Variants in UGT2B17 observed in about 807,000 individuals in gnomAD.
The protein encoded by UGT2B17 is UDP-glucuronosyltransferase 2B17.
Under a neutral mutation model 48.2 loss-of-function variants are expected in UGT2B17, and 21 were observed. The observed-to-expected ratio is 0.44, with a 90% CI of 0.31 to 0.63. The LOEUF (loss-of-function observed/expected upper bound fraction) is 0.63. Ranked by LOEUF, UGT2B17 falls within the 20% of genes least tolerant of loss-of-function variation. The pLI, the probability that UGT2B17 is intolerant of heterozygous loss-of-function variation, is 0.08. For synonymous variants in UGT2B17, 146 were observed against 238.4 expected (o/e 0.61, Z 3.57); for missense variants, 402 against 696.1 (o/e 0.58, Z 4.75).
chr4:68,540,437 C>T (rs1396500064), intron 6 of UGT2B17, among the ~76,000 whole-genome samples: 1 of 126,088 alleles, frequency 7.9e-6, no homozygotes, highest in African/African-American at 2.7e-5. Context: ...GATTCTCCTG[C>T]CTCAAACTCC....
intron 6 of UGT2B17, among the ~76,000 whole-genome samples, chr4:68,548,156 C>G (rs1447117417): frequency 7.9e-6 from 1 of 126,542 alleles, no homozygotes; most frequent in African/African-American, 2.7e-5. Flanking sequence ...TTCACAATAG[C>G]AAAGACTTGG....
chr4:68,537,625 C>T lies in UGT2B17; in HGVS notation c.1593G>A (p.Ter531=). 7.3e-7 allele frequency: 1 copy of T among 1,364,644 alleles called. No homozygotes were observed. Among genetic ancestry groups the T allele is most frequent in the Non-Finnish European group, 9.6e-7 (1 of 1,046,444 alleles). The allele number at this position is 1,364,644 out of a possible 1,614,324, so 84.5% of individuals were successfully genotyped here. A position where few individuals can be genotyped will look rare whatever the true frequency, so the allele number is the denominator to read the frequency against. The change falls in exon 7 of 7, where the codon TAG becomes TAA. Residue 531 remains the stop codon, a stop_retained_variant. Transcript: ENST00000317746. The part of the protein sequence containing the change: ...AKTGKKKKRD[*] ...ATTCCACTTCAGGCTTTTGATATAACTAATCCCTTTTCTTCTTCTTTCCTG... is the reference window on the plus strand; with the variant it reads ...ATTCCACTTCAGGCTTTTGATATAATTAATCCCTTTTCTTCTTCTTTCCTG...
In UGT2B17 at chr4:68,542,124, G is replaced by A. The variant is rs575513724; in HGVS notation, c.1314-4220C>T. On this transcript the variant is annotated intron_variant, in intron 6 of 6. Transcript: ENST00000317746. ...TCCAAAACACCATTTATTAAATAGG[G>A]AATCCTTCCCCTAATTGCTTGTTTT... Among the ~76,000 whole-genome samples, 6 of 126,030 alleles carry A rather than the reference G, an allele frequency of 4.8e-5. 3 individuals are homozygous for A. The East Asian group carries it at 4.5e-3, about 95-fold the overall frequency. The allele number at this position is 126,030 out of a possible 152,430, so 82.7% of individuals were successfully genotyped here.
rs1461623674 is a variant in UGT2B17, at chr4:68,570,977, A to G, written c.-64-2429T>C. 3.7e-4 allele frequency among the ~76,000 whole-genome samples: 47 copies of G among 126,474 alleles called. 7 individuals carry two copies. The highest frequency in any genetic ancestry group is 1.2e-3 in the African/African-American group (44 of 36,848). 83.0% of individuals were successfully genotyped at this position (126,474 alleles called of 152,430 possible). On this transcript the variant is annotated intron_variant, in intron 1 of 6. Coordinates refer to ENST00000317746, the MANE Select transcript of UGT2B17 (RefSeq NM_001077.4). ...TTCACAAACTCCTCCTTCAGCTGCT[A>G]GCAAGTAGTCAAGAGCTAGTCTATT... is the stretch of plus-strand genomic sequence containing the variant.
chr4:68,556,112 A>T (rs1027976516), intron 4 of UGT2B17, among the ~76,000 whole-genome samples: 1 of 123,850 alleles, frequency 8.1e-6, no homozygotes, highest in Non-Finnish European at 1.7e-5. Flanking sequence ...GATTAAAAAA[A>T]CTTTTATATG....
Position 68,557,600 on chromosome 4 carries a change from C to T in UGT2B17, c.1005+2937G>A, listed in dbSNP as rs1206601500. Among the ~76,000 whole-genome samples, 4 of 125,658 alleles carry T rather than the reference C, an allele frequency of 3.2e-5. 1 individual carries two copies. Among genetic ancestry groups the T allele is most frequent in the Non-Finnish European group, 6.7e-5 (4 of 59,352 alleles). The allele number at this position is 125,658 out of a possible 152,430, so 82.4% of individuals were successfully genotyped here. On this transcript the variant is annotated intron_variant, in intron 4 of 6. Coordinates refer to ENST00000317746, the MANE Select transcript of UGT2B17 (RefSeq NM_001077.4). Reference sequence around the variant, plus strand: ...CAGCTTTTAACAATTTAGTATACTCCTATGAAAAAAATTTAGAACATATTT... The same window carrying T: ...CAGCTTTTAACAATTTAGTATACTCTTATGAAAAAAATTTAGAACATATTT...
At chr4:68,546,973 A>G (rs1454254005) in intron 6 of UGT2B17, among the ~76,000 whole-genome samples, 1 of 125,814 alleles carries the variant, frequency 7.9e-6, no homozygotes, top group African/African-American at 2.7e-5. Flanking sequence ...GGTAGGAAGA[A>G]TCAATATCGT....
rs570042187 is a variant in UGT2B17 at position 68,537,561 on chromosome 4, C to T, written c.*64G>A. Reference sequence around the variant, plus strand: ...AAAAGGAAATCCTCCATTTAAAACCCTCCATGCTGGAATAAAGGAGGAGTC... The same window carrying T: ...AAAAGGAAATCCTCCATTTAAAACCTTCCATGCTGGAATAAAGGAGGAGTC... On this transcript the variant is annotated 3_prime_UTR_variant, in exon 7 of 7. Coordinates refer to ENST00000317746, the MANE Select transcript of UGT2B17 (RefSeq NM_001077.4). The T allele has an allele frequency of 1.7e-4, 209 of 1,236,660 alleles. 67 individuals are homozygous for T. In the South Asian group the frequency reaches 4.9e-3, roughly 29 times the overall value. The allele number at this position is 1,236,660 out of a possible 1,614,324, so 76.6% of individuals were successfully genotyped here. A position where few individuals can be genotyped will look rare whatever the true frequency, so the allele number is the denominator to read the frequency against.
intron 6 of UGT2B17, among the ~76,000 whole-genome samples, chr4:68,544,134 A>T (rs1222002529): frequency 8.0e-6 from 1 of 125,782 alleles, no homozygotes; most frequent in Non-Finnish European, 1.7e-5. Context: ...TAATTGTTAG[A>T]TTCACCAAAG....
intron 6 of UGT2B17, among the ~76,000 whole-genome samples, chr4:68,548,385 A>T (rs1461503514): frequency 1.6e-5 from 2 of 123,996 alleles, no homozygotes; most frequent in Non-Finnish European, 3.4e-5. Flanking sequence ...TGAGAACACG[A>T]GGACACAGGA....
Position 68,542,517 on chromosome 4 carries a change from C to A in UGT2B17, c.1314-4613G>T, listed in dbSNP as rs1370370290. Among the ~76,000 whole-genome samples the A allele has an allele frequency of 1.6e-5, 2 of 126,738 alleles. 1 individual carries two copies. The highest frequency in any genetic ancestry group is 5.4e-5 in the African/African-American group (2 of 37,126). 83.1% of individuals were successfully genotyped at this position (126,738 alleles called of 152,430 possible). On this transcript the variant is annotated intron_variant, in intron 6 of 6. Coordinates refer to ENST00000317746, the MANE Select transcript of UGT2B17 (RefSeq NM_001077.4). ...AGTCTACAGCTCCCAGTGTGAATGA[C>A]ACAGATGAGGAATGATTTCTGCATT... is the stretch of plus-strand genomic sequence containing the variant.
rs1489822947 is a variant in UGT2B17 at position 68,558,985 on chromosome 4, GA to G, written c.1005+1551del. On this transcript the variant is annotated intron_variant, in intron 4 of 6. Coordinates refer to ENST00000317746, the MANE Select transcript of UGT2B17 (RefSeq NM_001077.4). ...TGTATCAGATATTTGGGGTTCACAA[GA>G]TTATCAATGAAATATTCAAATATAT... is the stretch of plus-strand genomic sequence containing the variant. Among the ~76,000 whole-genome samples the G allele has an allele frequency of 1.6e-5, 2 of 125,604 alleles. 1 individual carries two copies. The highest frequency in any genetic ancestry group is 3.4e-5 in the Non-Finnish European group (2 of 59,366). 82.4% of individuals were successfully genotyped at this position (125,604 alleles called of 152,430 possible). A position where few individuals can be genotyped will look rare whatever the true frequency, so the allele number is the denominator to read the frequency against.
chr4:68,537,748 G>A lies in UGT2B17; in HGVS notation c.1470C>T (p.His490=). Residue 490 remains histidine, a synonymous_variant, in exon 7 of 7, where the codon CAC becomes CAT. Transcript: ENST00000317746. Reference sequence around the variant, plus strand: ...GCAGGAATGCTATCACATCCAAAGAGTGGTACTGGATCCAGGTGAGGTTGT... The same window carrying A: ...GCAGGAATGCTATCACATCCAAAGAATGGTACTGGATCCAGGTGAGGTTGT... The part of the protein sequence containing the change: ...AAHNLTWIQY[H]SLDVIAFLLA... 7.2e-7 allele frequency: 1 copy of A among 1,379,806 alleles called. No individual in the cohort carries two copies. The allele number at this position is 1,379,806 out of a possible 1,614,324, so 85.5% of individuals were successfully genotyped here. A position where few individuals can be genotyped will look rare whatever the true frequency, so the allele number is the denominator to read the frequency against.
Position 68,553,884 on chromosome 4 carries a change from G to A in UGT2B17, c.1006-1973C>T, listed in dbSNP as rs1475443400. ...GAAAATGAAAGACTGAGTTTTCTCA[G>A]CTCCAAAGTGAAAGGGCATCTGCTC... On this transcript the variant is annotated intron_variant, in intron 4 of 6. Transcript: ENST00000317746. Among the ~76,000 whole-genome samples, 4 of 121,760 alleles carry A rather than the reference G, an allele frequency of 3.3e-5. 1 individual carries two copies. Among genetic ancestry groups the A allele is most frequent in the Admixed American group, 1.7e-4 (2 of 11,664 alleles). The allele number at this position is 121,760 out of a possible 152,430, so 79.9% of individuals were successfully genotyped here.
intron 4 of UGT2B17, among the ~76,000 whole-genome samples, chr4:68,560,048 G>A (rs1731075002): frequency 7.6e-6 from 1 of 132,230 alleles, no homozygotes; most frequent in Non-Finnish European, 1.6e-5. Flanking sequence ...TCCAATGCAT[G>A]GGAAGTAAAA....
rs4860303 is a variant in UGT2B17 at position 68,548,018 on chromosome 4, C to G, written c.1313+2659G>C. Among the ~76,000 whole-genome samples the G allele has an allele frequency of 7.2e-5, 9 of 124,850 alleles. 4 individuals carry two copies. The highest frequency in any genetic ancestry group is 1.5e-4 in the Non-Finnish European group (9 of 58,966). The allele number at this position is 124,850 out of a possible 152,430, so 81.9% of individuals were successfully genotyped here. ...TCAACCATTGTGGAAGTCAGTGTGGCGATTCCTCAGGGATCTAGAACTAGA... is the reference window on the plus strand; with the variant it reads ...TCAACCATTGTGGAAGTCAGTGTGGGGATTCCTCAGGGATCTAGAACTAGA... On this transcript the variant is annotated intron_variant, in intron 6 of 6. Coordinates refer to ENST00000317746, the MANE Select transcript of UGT2B17 (RefSeq NM_001077.4).
intron 2 of UGT2B17, among the ~76,000 whole-genome samples, chr4:68,566,431 ATG>A (rs1309602122): frequency 8.5e-6 from 1 of 118,020 alleles, no homozygotes; most frequent in African/African-American, 2.9e-5. Flanking sequence ...CATAATCCCC[ATG>A]TGTCGAGGGA....
chr4:68,543,067 CT>C lies in UGT2B17; in HGVS notation c.1314-5164del, dbSNP rs1312256839. On this transcript the variant is annotated intron_variant, in intron 6 of 6. Coordinates refer to ENST00000317746, the MANE Select transcript of UGT2B17 (RefSeq NM_001077.4). ...GAAACCTCTGCAGTCTTAAATGTCC[CT>C]GTCTGACAGCTTTGAAAAGAGTAGT... is the stretch of plus-strand genomic sequence containing the variant. 6.3e-5 allele frequency among the ~76,000 whole-genome samples: 8 copies of C among 126,176 alleles called. 2 individuals carry two copies. Among genetic ancestry groups the C allele is most frequent in the Admixed American group, 2.4e-4 (3 of 12,350 alleles). The allele number at this position is 126,176 out of a possible 152,430, so 82.8% of individuals were successfully genotyped here.
rs187423070 is a variant in UGT2B17 at position 68,554,239 on chromosome 4, A to C, written c.1006-2328T>G. On this transcript the variant is annotated intron_variant, in intron 4 of 6. Coordinates refer to ENST00000317746, the MANE Select transcript of UGT2B17 (RefSeq NM_001077.4). ...CACAGCTCAGTTCCTCCTTTTAGGA[A>C]AAAAAGTGGGAAACAAATAATCTAA... Among the ~76,000 whole-genome samples the C allele has an allele frequency of 4.9e-3, 611 of 124,308 alleles. 167 individuals carry two copies. Among genetic ancestry groups the C allele is most frequent in the Admixed American group, 0.046 (559 of 12,062 alleles). 81.6% of individuals were successfully genotyped at this position (124,308 alleles called of 152,430 possible).
Sources: gnomAD v4.1 joint callset for allele counts (sites outside exome capture counted in the v4.1 genomes callset) on GRCh38, gnomAD v4.1.1 for gene constraint, MANE v1.5 for transcripts, NCBI Gene and HGNC (gene_info 2026-07-23, HGNC 2026-07-21) for gene names.